ANK3: variants seen among roughly 807,000 people sequenced by gnomAD.
ANK3 encodes the protein ankyrin-3.
ANK3 carries 57 observed loss-of-function variants against 370.9 expected under a neutral mutation model. The ratio of observed to expected loss-of-function variants is 0.15; its 90% CI spans 0.12 to 0.19. The LOEUF is 0.19. Among genes scored for constraint, ANK3 ranks in the 10% least tolerant of loss-of-function variants. The probability of loss-of-function intolerance (pLI) is 1.00; values close to 1 mark genes in which losing one functional copy is unlikely to be tolerated. For synonymous variants in ANK3, 1,929 were observed against 1,946.3 expected (o/e 0.99, Z 0.23); for missense variants, 4,439 against 5,302.1 (o/e 0.84, Z 5.06).
At chr10:60,580,825 G>A (rs181823785) in intron 2 of ANK3, among the ~76,000 whole-genome samples, 106 of 152,280 alleles carry the variant, frequency 7.0e-4, no homozygotes, top group African/African-American at 2.4e-3. Context: ...AGCTGGCCAG[G>A]CATTTTTCAG....
In ANK3 at chr10:60,072,039, G is replaced by A; in HGVS notation, c.8842C>T (p.Pro2948Ser). 1.5e-5 allele frequency: 24 copies of A among 1,614,070 alleles called. No individual in the cohort carries two copies. The highest frequency in any genetic ancestry group is 2.0e-5 in the Non-Finnish European group (24 of 1,180,006). Residue 2948 changes from proline to serine, a missense_variant, in exon 37 of 44, where the codon CCT becomes TCT. Transcript: ENST00000280772. ...GDHPGGLLDQ[P>S]SRRSESSAVS... is the part of the protein sequence containing the mutation. ...GCTGAGCTCTCGCTCCTCCTGGAAG[G>A]CTGATCAAGCAATCCGCCTGGATGG...
intron 2 of ANK3, among the ~76,000 whole-genome samples, chr10:60,498,789 C>A (rs1048729856): frequency 6.6e-6 from 1 of 152,138 alleles, no homozygotes; most frequent in Non-Finnish European, 1.5e-5. Context: ...ATGTAAACTG[C>A]CATTCAAATC....
chr10:60,697,458 C>G (rs1208630935), intron 1 of ANK3, among the ~76,000 whole-genome samples: 1 of 150,776 alleles, frequency 6.6e-6, no homozygotes. Context: ...CAATCCTAAG[C>G]CAAAAGAACA....
chr10:60,084,687 C>T lies in ANK3; in HGVS notation c.3989G>A (p.Cys1330Tyr), dbSNP rs758619117. 2 of 1,613,860 alleles carry T rather than the reference C, an allele frequency of 1.2e-6. No individual in the cohort carries two copies. The highest frequency in any genetic ancestry group is 1.7e-6 in the Non-Finnish European group (2 of 1,179,918). The change falls in exon 32 of 44, where the codon TGT (cysteine) becomes TAT (tyrosine). Residue 1330 changes from cysteine to tyrosine, a missense_variant. By Grantham distance (194) the Cys-to-Tyr change is radical (BLOSUM62 -2). This residue lies in a region of ANK3 where 702 missense variants were observed against 941.5 expected (regional missense o/e 0.75). Transcript: ENST00000280772. ...MNDPVESSLR[C>Y]FCMTDDKVDK... is the part of the protein sequence containing the mutation. ...CACTTTGTCATCTGTCATGCAGAAA[C>T]ATCGCAAGGAAGATTCTACGGGATC... is the stretch of plus-strand genomic sequence containing the variant.
At chr10:60,257,331 T>C (rs1165427220) in intron 7 of ANK3, among the ~76,000 whole-genome samples, 1 of 152,180 alleles carries the variant, frequency 6.6e-6, no homozygotes, top group Non-Finnish European at 1.5e-5. Flanking sequence ...ATCTGTGCCA[T>C]ACATGCCAAG....
chr10:60,194,823 G>T (rs10994248), intron 16 of ANK3, among the ~76,000 whole-genome samples: 18,926 of 152,080 alleles, frequency 0.12, 1,648 homozygotes, highest in African/African-American at 0.24. Flanking sequence ...AGCAAGTTTG[G>T]GAGTTTGATT....
At position 60,071,120 on chromosome 10, in the gene ANK3, A is replaced by T; in HGVS notation, c.9761T>A (p.Phe3254Tyr). 1 of 1,614,116 alleles carries T rather than the reference A, an allele frequency of 6.2e-7. No individual in the cohort carries two copies. The highest frequency in any genetic ancestry group is 8.5e-7 in the Non-Finnish European group (1 of 1,180,008). Residue 3254 changes from phenylalanine to tyrosine, a missense_variant, in exon 37 of 44, where the codon TTT becomes TAT. This residue lies in a region of ANK3 where 1,601 missense variants were observed against 1,731.7 expected (regional missense o/e 0.92). Transcript: ENST00000280772. ...PKNNRVAYIE[F>Y]PPPPPLDADQ... is the part of the protein sequence containing the mutation. ...CGCATCCAGTGGTGGAGGAGGGGGA[A>T]ATTCAATATAGGCAACTCTGTTATT...
At chr10:60,202,209 C>T (rs1054250135) in intron 12 of ANK3, among the ~76,000 whole-genome samples, 10 of 152,150 alleles carry the variant, frequency 6.6e-5, no homozygotes, top group Admixed American at 4.6e-4. Flanking sequence ...GCAACCTCCG[C>T]CTCCCAGGTT....
At chr10:60,254,383 C>A (rs2097707764) in intron 7 of ANK3, among the ~76,000 whole-genome samples, 1 of 152,122 alleles carries the variant, frequency 6.6e-6, no homozygotes, top group African/African-American at 2.4e-5. Context: ...AAGCCCTACA[C>A]CCTTGTAAAA....
chr10:60,073,667 G>C lies in ANK3; in HGVS notation c.7214C>G (p.Ser2405Cys), dbSNP rs767744691. 4 of 1,613,912 alleles carry C rather than the reference G, an allele frequency of 2.5e-6. No homozygotes were observed. Among genetic ancestry groups the C allele is most frequent in the Non-Finnish European group, 3.4e-6 (4 of 1,179,996 alleles). ...EELTAEESLPSYLESSRVNTP... is the reference protein window; with the variant it reads ...EELTAEESLPCYLESSRVNTP... ...GTTTACTCTGGAAGACTCCAGATAA[G>C]AAGGCAATGACTCTTCAGCAGTAAG... The change falls in exon 37 of 44, where the codon TCT becomes TGT. Residue 2405 changes from serine (S) to cysteine (C), a missense_variant. Coordinates refer to ENST00000280772, the MANE Select transcript of ANK3 (RefSeq NM_020987.5).
chr10:60,127,122 T>C (rs74951441), intron 25 of ANK3, among the ~76,000 whole-genome samples: 5,581 of 152,328 alleles, frequency 0.037, 166 homozygotes, highest in Non-Finnish European at 0.056. Context: ...ATGTCATCTT[T>C]ATAGCTTAGG....
intron 5 of ANK3, among the ~76,000 whole-genome samples, chr10:60,269,378 G>T (rs1401056405): frequency 6.6e-6 from 1 of 152,062 alleles, no homozygotes; most frequent in Non-Finnish European, 1.5e-5. Flanking sequence ...GGGCGTGGTG[G>T]CTCACACTTG....
intron 28 of ANK3, among the ~76,000 whole-genome samples, chr10:60,093,454 T>G (rs2089240835): frequency 6.6e-6 from 1 of 152,220 alleles, no homozygotes; most frequent in Non-Finnish European, 1.5e-5. Flanking sequence ...GTGTATCCTG[T>G]GAGTATGAAA....
chr10:60,532,659 T>G (rs1019961331), intron 2 of ANK3, among the ~76,000 whole-genome samples: 1 of 152,076 alleles, frequency 6.6e-6, no homozygotes, highest in Non-Finnish European at 1.5e-5. Flanking sequence ...GATCATTTGG[T>G]GATATGGATG....
intron 1 of ANK3, among the ~76,000 whole-genome samples, chr10:60,621,193 G>A (rs901873132): frequency 1.2e-4 from 19 of 152,096 alleles, no homozygotes; most frequent in African/African-American, 3.6e-4. Flanking sequence ...CAATGTGTTC[G>A]CTTATACCTA....
intron 1 of ANK3, among the ~76,000 whole-genome samples, chr10:60,308,301 T>C (rs1193715048): frequency 5.5e-5 from 8 of 144,988 alleles, no homozygotes; most frequent in Non-Finnish European, 1.5e-5. Flanking sequence ...CTGGCTTTTT[T>C]TTTTTTTTTT....
chr10:60,439,453 T>A (rs898127348), intron 2 of ANK3, among the ~76,000 whole-genome samples: 2 of 151,774 alleles, frequency 1.3e-5, no homozygotes, highest in Admixed American at 6.6e-5. Flanking sequence ...AGGCCAGGAG[T>A]TCGAGACCTG....
chr10:60,088,483 T>G, intron 28 of ANK3, 125 bp from the exon 29 acceptor site: 1 of 827,836 alleles, frequency 1.2e-6, no homozygotes, highest in Non-Finnish European at 1.9e-6. Context: ...TGAAGTGCAA[T>G]GGCGTGATCT....
chr10:60,617,218 T>C (rs1001792129), intron 1 of ANK3, among the ~76,000 whole-genome samples: 1 of 152,192 alleles, frequency 6.6e-6, no homozygotes, highest in African/African-American at 2.4e-5. Flanking sequence ...TCTGGGCTTC[T>C]ATGCTTAGAA....
Sources: allele counts gnomAD v4.1 joint callset (sites outside exome capture counted in the v4.1 genomes callset), GRCh38; gene constraint gnomAD v4.1.1; regional missense constraint gnomAD v4.1.1; transcripts MANE v1.5; gene names NCBI Gene and HGNC (gene_info 2026-07-23, HGNC 2026-07-21).